ZNF184: variants seen among roughly 807,000 people sequenced by gnomAD.
The protein encoded by ZNF184 is zinc finger protein 184 (Kruppel-like).
Under a neutral mutation model 54.4 loss-of-function variants are expected in ZNF184, and 16 were observed. The observed-to-expected ratio is 0.29, with a 90% CI of 0.20 to 0.45. The LOEUF is 0.45. ZNF184 is among the 20% of genes least tolerant of loss of function. The pLI is 1.00. For missense variants in ZNF184, 681 were observed against 888.2 expected (o/e 0.77, Z 2.97); for synonymous variants, 254 against 295.3 (o/e 0.86, Z 1.43).
chr6:27,436,725 C>T, the ZNF184 span, among the ~76,000 whole-genome samples: 1 of 152,186 alleles, frequency 6.6e-6, no homozygotes, highest in East Asian at 1.9e-4. Flanking sequence ...TTTGCATTAT[C>T]TCACTTATAT....
At chr6:27,429,214 G>T in the ZNF184 span, among the ~76,000 whole-genome samples, 2 of 152,206 alleles carry the variant, frequency 1.3e-5, no homozygotes, top group African/African-American at 2.4e-5. Flanking sequence ...ACCTACAGAA[G>T]TAATAGGGTT....
chr6:27,412,621 G>A, the ZNF184 span, among the ~76,000 whole-genome samples: 65 of 152,330 alleles, frequency 4.3e-4, 1 homozygote, highest in African/African-American at 1.5e-3. Context: ...AGCCAAATAT[G>A]AGTGACCATG....
At chr6:27,443,863 C>T in the ZNF184 span, among the ~76,000 whole-genome samples, 2 of 152,128 alleles carry the variant, frequency 1.3e-5, no homozygotes, top group African/African-American at 4.8e-5. Context: ...ATTTATTTCT[C>T]ATAAGCACCC....
At position 27,456,876 on chromosome 6, in the gene ZNF184, C is replaced by T; in HGVS notation, c.248G>A (p.Gly83Glu). Residue 83 changes from glycine to glutamate, a missense_variant, in exon 5 of 6, where the codon GGG becomes GAG. Coordinates refer to ENST00000683788, the MANE Select transcript of ZNF184 (RefSeq NM_001318891.2). ...KPDVISQLEQ[G>E]TEPWIMEPSI... Reference sequence around the variant, plus strand: ...TGGCTCCATGATCCATGGCTCTGTCCCTTGCTCTAACTGGGAAATCACATC... The same window carrying T: ...TGGCTCCATGATCCATGGCTCTGTCTCTTGCTCTAACTGGGAAATCACATC... The T allele has an allele frequency of 6.2e-7, 1 of 1,614,096 alleles. No individual in the cohort carries two copies. The highest frequency in any genetic ancestry group is 8.5e-7 in the Non-Finnish European group (1 of 1,180,020).
the ZNF184 span, among the ~76,000 whole-genome samples, chr6:27,443,818 T>G: frequency 6.6e-6 from 1 of 152,058 alleles, no homozygotes; most frequent in African/African-American, 2.4e-5. Flanking sequence ...TACTTTCACT[T>G]CTTCTCACTT....
chr6:27,423,451 T>C, the ZNF184 span, among the ~76,000 whole-genome samples: 1 of 152,178 alleles, frequency 6.6e-6, no homozygotes, highest in Non-Finnish European at 1.5e-5. Flanking sequence ...ATTTCTGATT[T>C]GTGGGCTGTG....
the ZNF184 span, among the ~76,000 whole-genome samples, chr6:27,424,043 G>C: frequency 6.6e-6 from 1 of 152,156 alleles, no homozygotes; most frequent in African/African-American, 2.4e-5. Context: ...CGCGGTGAGC[G>C]TTACAACTCC....
At chr6:27,437,887 A>G in the ZNF184 span, among the ~76,000 whole-genome samples, 1 of 152,332 alleles carries the variant, frequency 6.6e-6, no homozygotes, top group Middle Eastern at 3.4e-3. Context: ...CTCTGTAGGA[A>G]TAATTATCTG....
the ZNF184 span, among the ~76,000 whole-genome samples, chr6:27,425,518 G>A: frequency 3.0e-4 from 46 of 152,348 alleles, no homozygotes; most frequent in Non-Finnish European, 6.0e-4. Flanking sequence ...AGTAGGGGCA[G>A]GGACTGCTGA....
At chr6:27,416,494 C>A in the ZNF184 span, among the ~76,000 whole-genome samples, 16 of 152,196 alleles carry the variant, frequency 1.1e-4, no homozygotes, top group South Asian at 2.1e-4. Context: ...CTACTGCCCA[C>A]TTCTCTGGTA....
the ZNF184 span, among the ~76,000 whole-genome samples, chr6:27,441,617 T>C: frequency 6.4e-4 from 98 of 152,310 alleles, no homozygotes; most frequent in Non-Finnish European, 1.1e-3. Context: ...AGAATAGGTA[T>C]GGTGACACAA....
chr6:27,441,318 C>G, the ZNF184 span, among the ~76,000 whole-genome samples: 17 of 152,298 alleles, frequency 1.1e-4, no homozygotes, highest in African/African-American at 4.1e-4. Flanking sequence ...CAGGTTCAAG[C>G]AATCTGCCCG....
the ZNF184 span, chr6:27,407,691 T>G: frequency 1.4e-6 from 1 of 693,704 alleles, no homozygotes; most frequent in African/African-American, 1.7e-5. Flanking sequence ...CCTTGGCCTA[T>G]TCCTTGACCC....
chr6:27,428,672 A>G, the ZNF184 span, among the ~76,000 whole-genome samples: 2 of 152,264 alleles, frequency 1.3e-5, no homozygotes, highest in African/African-American at 2.4e-5. The surrounding 1 kb of genome is among the most constrained non-coding windows in gnomAD (Gnocchi z 4.1). Flanking sequence ...AGTTTCACCA[A>G]CTGGCATGGT....
the ZNF184 span, among the ~76,000 whole-genome samples, chr6:27,431,611 A>G: frequency 1.3e-5 from 2 of 152,204 alleles, no homozygotes; most frequent in South Asian, 2.1e-4. Flanking sequence ...GTACTGATAG[A>G]CCACAGAATA....
At chr6:27,439,329 C>T in the ZNF184 span, among the ~76,000 whole-genome samples, 923 of 152,294 alleles carry the variant, frequency 6.1e-3, 19 homozygotes, top group Middle Eastern at 0.017. Context: ...CAGAAATAAA[C>T]AATTTGTAAA....
At chr6:27,410,349 G>A in the ZNF184 span, among the ~76,000 whole-genome samples, 1 of 152,178 alleles carries the variant, frequency 6.6e-6, no homozygotes, top group Non-Finnish European at 1.5e-5. Context: ...GAGAAAGAAA[G>A]GGAACTGTGT....
chr6:27,461,397 G>A (rs1354549774), intron 3 of ZNF184, among the ~76,000 whole-genome samples: 1 of 152,032 alleles, frequency 6.6e-6, no homozygotes, highest in African/African-American at 2.4e-5. Flanking sequence ...TGAGTCATAT[G>A]AATCATTCCA....
chr6:27,429,678 C>T, the ZNF184 span, among the ~76,000 whole-genome samples: 1 of 152,200 alleles, frequency 6.6e-6, no homozygotes, highest in East Asian at 1.9e-4. Context: ...CAGCTTTGCA[C>T]TATTCTCTTC....
Sources: allele counts gnomAD v4.1 joint callset (sites outside exome capture counted in the v4.1 genomes callset), GRCh38; gene constraint gnomAD v4.1.1; non-coding constraint Gnocchi (gnomAD v3.1); transcripts MANE v1.5; gene names NCBI Gene and HGNC (gene_info 2026-07-23, HGNC 2026-07-21).